WDR43: variants seen among roughly 807,000 people sequenced by gnomAD.
WDR43 encodes WD repeat-containing protein 43.
In WDR43, 13 loss-of-function variants were observed where a neutral mutation model predicts 91.4. The observed-to-expected ratio is 0.14, with a 90% CI of 0.09 to 0.23. The LOEUF (loss-of-function observed/expected upper bound fraction) is 0.23. Among genes scored for constraint, WDR43 ranks in the 10% least tolerant of loss-of-function variants. The pLI, the probability that WDR43 is intolerant of heterozygous loss-of-function variation, is 1.00. For synonymous variants in WDR43, 331 were observed against 287.9 expected, an observed-to-expected ratio of 1.15 and a Z score of -1.51; for missense variants, 780 against 809.4, an observed-to-expected ratio of 0.96 and a Z score of 0.44.
At chr2:28,922,881 T>G in intron 6 of WDR43, 38 bp from the exon 7 acceptor site, 1 of 1,591,392 alleles carries the variant, frequency 6.3e-7, no homozygotes, top group Non-Finnish European at 8.6e-7. Context: ...CTGGAGTATG[T>G]TATCCATTAT....
intron 3 of WDR43, among the ~76,000 whole-genome samples, chr2:28,910,611 A>G (rs1375399811): frequency 6.6e-6 from 1 of 150,930 alleles, no homozygotes; most frequent in African/African-American, 2.4e-5. Context: ...CCTTTGTAAT[A>G]TATATTTTTG....
chr2:28,901,791 G>T (rs950659741), intron 1 of WDR43, among the ~76,000 whole-genome samples, 196 bp from the exon 2 acceptor site: 15 of 152,062 alleles, frequency 9.9e-5, no homozygotes, highest in African/African-American at 3.6e-4. Flanking sequence ...GGGAGACGGG[G>T]GACATAGAAT....
intron 2 of WDR43, among the ~76,000 whole-genome samples, chr2:28,904,697 A>G (rs1456120052): frequency 6.6e-6 from 1 of 152,256 alleles, no homozygotes; most frequent in African/African-American, 2.4e-5. Context: ...ACTTGCGTGT[A>G]TATAAGACTT....
intron 16 of WDR43, among the ~76,000 whole-genome samples, chr2:28,943,833 G>T (rs1232189299): frequency 6.6e-6 from 1 of 152,196 alleles, no homozygotes; most frequent in African/African-American, 2.4e-5. Flanking sequence ...AGTGAAAATG[G>T]TCAGGTGTTG....
intron 11 of WDR43, among the ~76,000 whole-genome samples, chr2:28,934,343 A>G (rs1407467692): frequency 2.0e-5 from 3 of 152,214 alleles, no homozygotes; most frequent in Non-Finnish European, 4.4e-5. Context: ...TTTTTATCAT[A>G]TCATAGTATT....
At chr2:28,906,685 A>T in intron 3 of WDR43, 104 bp downstream of exon 3, 2 of 1,363,714 alleles carry the variant, frequency 1.5e-6, no homozygotes, top group Non-Finnish European at 1.9e-6. Flanking sequence ...TTTACAAAGA[A>T]CTTTTAATCA....
intron 11 of WDR43, among the ~76,000 whole-genome samples, chr2:28,932,507 A>G (rs1671267989): frequency 6.6e-6 from 1 of 152,194 alleles, no homozygotes; most frequent in African/African-American, 2.4e-5. Context: ...TGTTCTTATA[A>G]TGTATTACCT....
chr2:28,939,179 A>T (rs1224493413), intron 14 of WDR43, among the ~76,000 whole-genome samples: 1 of 142,728 alleles, frequency 7.0e-6, no homozygotes, highest in East Asian at 2.1e-4. Flanking sequence ...TTGGGAGGTG[A>T]CTTGGGAGCA....
Position 28,943,390 on chromosome 2 carries a change from C to T in WDR43, c.1804+1009C>T, listed in dbSNP as rs183068691. Reference sequence around the variant, plus strand: ...CTCAAAAACGGTCTTCTCGCGTCAGCTTCCCAAAGTGCTGGGAATAGAAGC... The same window carrying T: ...CTCAAAAACGGTCTTCTCGCGTCAGTTTCCCAAAGTGCTGGGAATAGAAGC... On this transcript the variant is annotated intron_variant, in intron 16 of 17. Transcript: ENST00000407426. 2.7e-4 allele frequency among the ~76,000 whole-genome samples: 41 copies of T among 152,282 alleles called. 2 individuals carry two copies. The East Asian group carries it at 7.5e-3, about 28-fold the overall frequency.
intron 10 of WDR43, 52 bp downstream of exon 10, chr2:28,927,752 G>T: frequency 6.2e-7 from 1 of 1,606,726 alleles, no homozygotes; most frequent in South Asian, 1.1e-5. Context: ...AAAATTACTG[G>T]GAAATTCTAA....
intron 9 of WDR43, among the ~76,000 whole-genome samples, chr2:28,926,800 A>G (rs1671151205): frequency 6.6e-6 from 1 of 152,182 alleles, no homozygotes; most frequent in African/African-American, 2.4e-5. Context: ...CCCACCATGC[A>G]TGATCATCTG....
At chr2:28,924,836 A>G (rs1316690800) in intron 7 of WDR43, 146 bp from the exon 8 acceptor site, 2 of 818,576 alleles carry the variant, frequency 2.4e-6, no homozygotes, top group Non-Finnish European at 1.9e-6. Flanking sequence ...TGAAAGGAGT[A>G]CTCATGCTCC....
chr2:28,913,048 G>A (rs934588896), intron 4 of WDR43, among the ~76,000 whole-genome samples: 3 of 148,740 alleles, frequency 2.0e-5, no homozygotes, highest in Non-Finnish European at 4.4e-5. Flanking sequence ...CGCCTCCCAG[G>A]TTCACCGCCA....
chr2:28,931,150 A>G (rs1329999012), intron 11 of WDR43, among the ~76,000 whole-genome samples: 2 of 147,538 alleles, frequency 1.4e-5, no homozygotes, highest in African/African-American at 5.0e-5. Context: ...ATCTCGGCTC[A>G]CTGCTATCTC....
At chr2:28,903,717 T>G (rs7569020) in intron 2 of WDR43, among the ~76,000 whole-genome samples, 102,877 of 152,030 alleles carry the variant, frequency 0.68, 35,445 homozygotes, top group East Asian at 0.85. Context: ...GCCTATCCTT[T>G]AATTGGATAG....
At chr2:28,942,421 C>T (rs1010874447) in intron 16 of WDR43, 40 bp downstream of exon 16, 3 of 1,591,240 alleles carry the variant, frequency 1.9e-6, no homozygotes, top group Admixed American at 3.4e-5. Context: ...AGAATTATAA[C>T]ATTCAGTTTT....
intron 12 of WDR43, among the ~76,000 whole-genome samples, 166 bp from the exon 13 acceptor site, chr2:28,936,756 G>A (rs902679279): frequency 6.6e-6 from 1 of 152,042 alleles, no homozygotes; most frequent in Non-Finnish European, 1.5e-5. Context: ...ACTTTTATCA[G>A]CTAATTACTC....
At chr2:28,937,850 G>C in intron 13 of WDR43, 81 bp from the exon 14 acceptor site, 1 of 1,339,846 alleles carries the variant, frequency 7.5e-7, no homozygotes, top group Non-Finnish European at 1.1e-6. Flanking sequence ...ACCTTCACTT[G>C]TCTGTCTGGG....
intron 6 of WDR43, among the ~76,000 whole-genome samples, chr2:28,920,806 A>G (rs1209765163): frequency 6.6e-6 from 1 of 151,798 alleles, no homozygotes; most frequent in African/African-American, 2.4e-5. Context: ...CCTCCTGGGT[A>G]GCTGGTACTA....
Sources: allele counts gnomAD v4.1 joint callset (sites outside exome capture counted in the v4.1 genomes callset), GRCh38; gene constraint gnomAD v4.1.1; transcripts MANE v1.5; gene names NCBI Gene and HGNC (gene_info 2026-07-23, HGNC 2026-07-21).